ZMYM3: variants seen among roughly 807,000 people sequenced by gnomAD.
ZMYM3 encodes the protein zinc finger MYM-type containing 3.
Under a neutral mutation model 94.2 loss-of-function variants are expected in ZMYM3, and 6 were observed. The observed-to-expected ratio is 0.06, with a 90% CI of 0.03 to 0.13. The LOEUF (loss-of-function observed/expected upper bound fraction) is 0.13, where lower values mean the gene tolerates loss of function less well. ZMYM3 is among the 10% of genes least tolerant of loss of function. The probability of loss-of-function intolerance (pLI) is 1.00; values close to 1 mark genes in which losing one functional copy is unlikely to be tolerated. For synonymous variants in ZMYM3, 420 were observed against 426.5 expected (o/e 0.98, Z 0.19); for missense variants, 664 against 1,132.6 (o/e 0.59, Z 5.94).
chrX:71,245,080 A>T (rs746169830), intron 18 of ZMYM3, among the ~76,000 whole-genome samples, 187 bp from the exon 19 acceptor site: 2 of 104,792 alleles, frequency 1.9e-5, no homozygotes, highest in Admixed American at 2.1e-4. Flanking sequence ...TGAACCGTAA[A>T]CATGTTGAAC....
At position 71,242,954 on chromosome X, in the gene ZMYM3, C is replaced by T. The variant is rs977877169; in HGVS notation, c.3547+16G>A. 8.4e-6 allele frequency: 10 copies of T among 1,189,800 alleles called. No individual in the cohort carries two copies. Among genetic ancestry groups the T allele is most frequent in the African/African-American group, 1.7e-5 (1 of 57,280 alleles). ...TGGAGAAAGCGGGTAGGGGTTGCTA[C>T]GTCCCTGTTCCTTACTGTTGGGGAG... On this transcript the variant is annotated intron_variant, in intron 22 of 24. Coordinates refer to ENST00000314425, the MANE Select transcript of ZMYM3 (RefSeq NM_201599.3).
upstream of ZMYM3, chrX:71,255,086 C>G (rs1047829728): frequency 1.5e-4 from 1 of 6,865 alleles, no homozygotes; most frequent in South Asian, 0.016. Context: ...CAGGGCTGAT[C>G]TCTCTCTCTC....
At chrX:71,255,084 A>ATCTCTCTCTCTC (rs61261611), upstream of ZMYM3, 3 of 20,842 alleles carry the variant, frequency 1.4e-4, no homozygotes, top group Non-Finnish European at 3.1e-4. Flanking sequence ...ACCAGGGCTG[A>ATCTCTCTCTCTC]TCTCTCTCTC....
Position 71,240,020 on chromosome X carries a change from T to TAGGGGAACAATAG in ZMYM3, c.*883_*895dup, listed in dbSNP as rs1943439068. 8.9e-6 allele frequency: 1 copy of TAGGGGAACAATAG among 112,289 alleles called. No individual in the cohort carries two copies. Among genetic ancestry groups the TAGGGGAACAATAG allele is most frequent in the Admixed American group, 9.5e-5 (1 of 10,569 alleles). The allele number at this position is 112,289 out of a possible 1,213,427, so 9.3% of individuals were successfully genotyped here. A position where few individuals can be genotyped will look rare whatever the true frequency, so the allele number is the denominator to read the frequency against. On this transcript the variant is annotated 3_prime_UTR_variant, in exon 25 of 25. Transcript: ENST00000314425. Reference sequence around the variant, plus strand: ...CATAGGCTTGGCCTAGCTCTTATGATAGGGGAACAATAGAGGGGAACCCAG... The same window carrying TAGGGGAACAATAG: ...CATAGGCTTGGCCTAGCTCTTATGATAGGGGAACAATAGAGGGGAACAATAGAGGGGAACCCAG...
chrX:71,242,564 C>T (rs1029024523), intron 22 of ZMYM3, 140 bp from the exon 23 acceptor site: 5 of 818,801 alleles, frequency 6.1e-6, no homozygotes, highest in African/African-American at 4.1e-5. Flanking sequence ...ACTGTCACTT[C>T]GCTACACTTG....
At position 71,243,841 on chromosome X, in the gene ZMYM3, A is replaced by T; in HGVS notation, c.3420T>A (p.Leu1140=). 8 of 1,211,431 alleles carry T rather than the reference A, an allele frequency of 6.6e-6. No individual in the cohort carries two copies. The highest frequency in any genetic ancestry group is 7.8e-6 in the Non-Finnish European group (7 of 895,468). ...YEPDSIYYLC[L]GIQQYLLENN... is the part of the protein sequence containing the mutation. ...GCACAAGAGGTACCTGCTGGATGCC[A>T]AGACACAAATAGTAGATACTGTCAG... is the stretch of plus-strand genomic sequence containing the variant. The change falls in exon 21 of 25, where the codon CTT becomes CTA. Residue 1140 remains leucine (L), a synonymous_variant. Transcript: ENST00000314425.
chrX:71,249,759 A>C, intron 6 of ZMYM3, 80 bp from the exon 7 acceptor site: 1 of 1,134,861 alleles, frequency 8.8e-7, no homozygotes, highest in Middle Eastern at 3.3e-4. Context: ...CCCCCACCTC[A>C]CCCTAGACCT....
In ZMYM3 at chrX:71,248,257, C is replaced by T. The variant is rs1328453769; in HGVS notation, c.1880G>A (p.Arg627Gln). ...RDCCEDFKRL[R>Q]GVVSQCEHCR... The stretch of plus-strand genomic sequence containing the variant: ...GTGCTCACACTGGGACACCACACCC[C>T]GAAGCCGCTTGAAGTCCTCACAGCA... The change falls in exon 11 of 25, where the codon CGG (arginine) becomes CAG (glutamine). Residue 627 changes from arginine (R) to glutamine (Q), a missense_variant. Arg to Gln is a conservative substitution (Grantham distance 43, BLOSUM62 1). Coordinates refer to ENST00000314425, the MANE Select transcript of ZMYM3 (RefSeq NM_201599.3). The T allele has an allele frequency of 2.5e-6, 3 of 1,207,396 alleles. No individual in the cohort carries two copies. The highest frequency in any genetic ancestry group is 3.4e-6 in the Non-Finnish European group (3 of 893,740).
rs2029928696 is a variant in ZMYM3, at chrX:71,241,229, T to C, written c.3918A>G (p.Lys1306=). 5 of 1,200,128 alleles carry C rather than the reference T, an allele frequency of 4.2e-6. No individual in the cohort carries two copies. Among genetic ancestry groups the C allele is most frequent in the Non-Finnish European group, 5.6e-6 (5 of 887,615 alleles). ...TTCCTGCCAACCCACCAACTCACCATTTTGAGAGATAGAATTCATAGAACT... is the reference window on the plus strand; with the variant it reads ...TTCCTGCCAACCCACCAACTCACCACTTTGAGAGATAGAATTCATAGAACT... ...PVKFYEFYLS[K]CPESLRTRND... The change falls in exon 24 of 25, where the codon AAA becomes AAG. Residue 1306 remains lysine (K), a splice_region_variant and synonymous_variant. Coordinates refer to ENST00000314425, the MANE Select transcript of ZMYM3 (RefSeq NM_201599.3).
At position 71,250,018 on chromosome X, in the gene ZMYM3, G is replaced by A. The variant is rs753218103; in HGVS notation, c.1251+8C>T. The A allele has an allele frequency of 7.7e-6, 9 of 1,165,079 alleles. No individual in the cohort carries two copies. The South Asian group carries it at 1.4e-4, about 19-fold the overall frequency. On this transcript the variant is annotated splice_region_variant and intron_variant, in intron 6 of 24. Coordinates refer to ENST00000314425, the MANE Select transcript of ZMYM3 (RefSeq NM_201599.3). The stretch of plus-strand genomic sequence containing the variant: ...CTCTGTAAATCAGCCCCCACTGAGT[G>A]TCCTCACCTCTCCAGTCTTCTGGCA...
chrX:71,247,934 T>A, intron 11 of ZMYM3, 28 bp from the exon 12 acceptor site: 2 of 1,162,389 alleles, frequency 1.7e-6, no homozygotes, highest in Non-Finnish European at 2.3e-6. Context: ...GGAAAGAGAG[T>A]CCAGAGACAC....
Position 71,251,319 on chromosome X carries a change from G to A in ZMYM3, c.712-75C>T, listed in dbSNP as rs1202618729. On this transcript the variant is annotated intron_variant, in intron 3 of 24. Coordinates refer to ENST00000314425, the MANE Select transcript of ZMYM3 (RefSeq NM_201599.3). Reference sequence around the variant, plus strand: ...CTAACACTAGTACAGGGTTTGGGGGGGGATAGAAGATGGGAGGGGGAAGGG... The same window carrying A: ...CTAACACTAGTACAGGGTTTGGGGGAGGATAGAAGATGGGAGGGGGAAGGG... 1.0e-5 allele frequency: 10 copies of A among 968,988 alleles called. No individual in the cohort carries two copies. In the South Asian group the frequency reaches 1.2e-4, roughly 12 times the overall value. The allele number at this position is 968,988 out of a possible 1,213,427, so 79.9% of individuals were successfully genotyped here.
At position 71,246,602 on chromosome X, in the gene ZMYM3, A is replaced by G; in HGVS notation, c.2405T>C (p.Leu802Ser). ...TVRTPEENGN[L>S]GKIPVKTRSA... ...CTTGGCTTTTGCCCCGACCTTGCCC[A>G]AATTCCCATTTTCCTCTGGGGTCCT... is the stretch of plus-strand genomic sequence containing the variant. Residue 802 changes from leucine (L) to serine (S), a missense_variant, in exon 14 of 25, where the codon TTG (leucine) becomes TCG (serine). Around this residue, in one of 9 missense-constraint regions of ZMYM3, gnomAD observed 57 missense variants for 52.0 expected, o/e 1.10. Transcript: ENST00000314425. 4 of 1,211,240 alleles carry G rather than the reference A, an allele frequency of 3.3e-6. No homozygotes were observed. The highest frequency in any genetic ancestry group is 4.5e-6 in the Non-Finnish European group (4 of 895,250).
At position 71,252,540 on chromosome X, in the gene ZMYM3, A is replaced by C. The variant is rs201845191; in HGVS notation, c.667+49T>G. On this transcript the variant is annotated intron_variant, in intron 2 of 24. Transcript: ENST00000314425. ...CCAAAGCACATAGCCACCCCTCCTT[A>C]CCACCACCCTCTCCCAGCCCTGATT... 159 of 1,106,945 alleles carry C rather than the reference A, an allele frequency of 1.4e-4. No homozygotes were observed. In the East Asian group the frequency reaches 4.5e-3, roughly 31 times the overall value. The allele number at this position is 1,106,945 out of a possible 1,213,427, so 91.2% of individuals were successfully genotyped here. A position where few individuals can be genotyped will look rare whatever the true frequency, so the allele number is the denominator to read the frequency against.
intron 5 of ZMYM3, 85 bp from the exon 6 acceptor site, chrX:71,250,288 C>A: frequency 9.1e-7 from 1 of 1,094,006 alleles, no homozygotes; most frequent in Non-Finnish European, 1.2e-6. Flanking sequence ...GATCAATGAC[C>A]ACAGAGCCAA....
At chrX:71,252,057 G>A (rs770034366) in intron 2 of ZMYM3, among the ~76,000 whole-genome samples, 2 of 110,711 alleles carry the variant, frequency 1.8e-5, no homozygotes. Flanking sequence ...GAAGAGGGGA[G>A]ACACTAGAGC....
At chrX:71,244,512 C>T (rs772795436) in intron 19 of ZMYM3, 42 bp from the exon 20 acceptor site, 1 of 1,191,234 alleles carries the variant, frequency 8.4e-7, no homozygotes, top group Admixed American at 2.3e-5. Flanking sequence ...GAGGTAAGGC[C>T]AGAGGCAAGG....
rs1387699114 is a variant in ZMYM3 at position 71,248,705 on chromosome X, C to T, written c.1718G>A (p.Ser573Asn). Reference protein sequence around the residue: ...DRTVYQFCSPSCWTKFQRTSP... With the variant: ...DRTVYQFCSPNCWTKFQRTSP... Reference sequence around the variant, plus strand: ...GAGTACCTGGAACTTGGTCCAGCAGCTGGGGCTGCAGAACTGGTAGACTGT... The same window carrying T: ...GAGTACCTGGAACTTGGTCCAGCAGTTGGGGCTGCAGAACTGGTAGACTGT... The change falls in exon 9 of 25, where the codon AGC becomes AAC. Residue 573 changes from serine (S) to asparagine (N), a missense_variant. By Grantham distance (46) the Ser-to-Asn change is conservative (BLOSUM62 1). This residue lies in a region of ZMYM3 where 159 missense variants were observed against 313.0 expected (regional missense o/e 0.51). Coordinates refer to ENST00000314425, the MANE Select transcript of ZMYM3 (RefSeq NM_201599.3). 21 of 1,202,781 alleles carry T rather than the reference C, an allele frequency of 1.7e-5. No homozygotes were observed. The highest frequency in any genetic ancestry group is 2.0e-5 in the Non-Finnish European group (18 of 891,532).
Position 71,252,523 on chromosome X carries a change from C to T in ZMYM3, c.667+66G>A, listed in dbSNP as rs2030532570. The T allele has an allele frequency of 3.7e-6, 4 of 1,076,422 alleles. No individual in the cohort carries two copies. The South Asian group carries it at 9.8e-5, about 26-fold the overall frequency. 88.7% of individuals were successfully genotyped at this position (1,076,422 alleles called of 1,213,427 possible). A position where few individuals can be genotyped will look rare whatever the true frequency, so the allele number is the denominator to read the frequency against. On this transcript the variant is annotated intron_variant, in intron 2 of 24. Transcript: ENST00000314425. ...CTCCTCCCCACTACTTCCCAAAGCA[C>T]ATAGCCACCCCTCCTTACCACCACC...
Sources: gnomAD v4.1 joint callset for allele counts (sites outside exome capture counted in the v4.1 genomes callset) on GRCh38, gnomAD v4.1.1 for gene constraint, gnomAD v4.1.1 regional missense constraint, MANE v1.5 for transcripts, NCBI Gene and HGNC (gene_info 2026-07-23, HGNC 2026-07-21) for gene names.